Variants in PNPLA7 observed in about 807,000 individuals in gnomAD.
The protein encoded by PNPLA7 is patatin-like phospholipase domain-containing protein 7.
In PNPLA7, 153 loss-of-function variants were observed where a neutral mutation model predicts 161.7. That is an observed-to-expected ratio of 0.95 (90% CI 0.83 to 1.08). PNPLA7 has a LOEUF of 1.08. Ranked by LOEUF, PNPLA7 falls within the 50% of genes least tolerant of loss-of-function variation. PNPLA7 has a pLI of 0.00. For synonymous variants in PNPLA7, 809 were observed against 782.1 expected (o/e 1.03, Z -0.57); for missense variants, 1,739 against 1,856.6 (o/e 0.94, Z 1.16).
At chr9:137,479,303 G>A (rs1207808555) in intron 23 of PNPLA7, 65 bp from the exon 24 acceptor site, 11 of 1,436,862 alleles carry the variant, frequency 7.7e-6, no homozygotes, top group African/African-American at 4.3e-5. Context: ...GGACGGAGCT[G>A]AAGGCCAGCA....
At chr9:137,511,787 T>C (rs1052926280) in intron 12 of PNPLA7, among the ~76,000 whole-genome samples, 1 of 152,248 alleles carries the variant, frequency 6.6e-6, no homozygotes, top group African/African-American at 2.4e-5. Flanking sequence ...TCTTAGAAGA[T>C]AGCAGTAGCA....
rs1310071409 is a variant in PNPLA7, at chr9:137,460,219, G to A, written c.*174C>T. On this transcript the variant is annotated 3_prime_UTR_variant, in exon 35 of 35. Transcript: ENST00000406427. The stretch of plus-strand genomic sequence containing the variant: ...CAGGGGGGCTCACAGGGCCCTGTAT[G>A]CAGGGCTGCTGGTACAAAGAAGAGG... 2 of 601,062 alleles carry A rather than the reference G, an allele frequency of 3.3e-6. No homozygotes were observed. Among genetic ancestry groups the A allele is most frequent in the Non-Finnish European group, 5.8e-6 (2 of 343,408 alleles). The allele number at this position is 601,062 out of a possible 1,614,324, so 37.2% of individuals were successfully genotyped here.
chr9:137,505,624 A>T lies in PNPLA7; in HGVS notation c.1463T>A (p.Met488Lys), dbSNP rs945797908. 1 of 1,613,978 alleles carries T rather than the reference A, an allele frequency of 6.2e-7. No homozygotes were observed. Among genetic ancestry groups the T allele is most frequent in the South Asian group, 1.1e-5 (1 of 91,084 alleles). Residue 488 changes from methionine to lysine, a missense_variant, in exon 14 of 35, where the codon ATG becomes AAG. Physicochemically the swap from Met to Lys is moderately conservative, Grantham distance 95. Transcript: ENST00000406427. ...RAAKKDLLTL[M>K]KLEDSSLLDG... ...GCCGGGGCCACTCACTTCCAGCTTC[A>T]TCAGGGTGAGCAGGTCCTTCTTGGC...
intron 25 of PNPLA7, among the ~76,000 whole-genome samples, chr9:137,475,415 C>T (rs981391970): frequency 6.6e-6 from 1 of 152,186 alleles, no homozygotes; most frequent in African/African-American, 2.4e-5. Flanking sequence ...TGCTCTGTCT[C>T]CCAGGCTGGA....
Position 137,464,395 on chromosome 9 carries a change from G to A in PNPLA7, c.3101C>T (p.Ser1034Phe). ...GATGCTGCTGTTGAAGCCGGCTCCG[G>A]AGAACATGGACGTGATGGGGTAGGT... ...DLTYPITSMF[S>F]GAGFNSSIFS... is the part of the protein sequence containing the mutation. The change falls in exon 27 of 35, where the codon TCC (serine) becomes TTC (phenylalanine). Residue 1034 changes from serine (S) to phenylalanine (F), a missense_variant. Transcript: ENST00000406427. 2 of 1,613,972 alleles carry A rather than the reference G, an allele frequency of 1.2e-6. No homozygotes were observed. The highest frequency in any genetic ancestry group is 2.2e-5 in the South Asian group (2 of 91,088).
chr9:137,544,893 C>T (rs1334967488), intron 4 of PNPLA7, among the ~76,000 whole-genome samples: 1 of 152,174 alleles, frequency 6.6e-6, no homozygotes, highest in Non-Finnish European at 1.5e-5. Context: ...CATGATCCGC[C>T]CACCTCAGCC....
Position 137,462,816 on chromosome 9 carries a change from TGGA to T in PNPLA7, c.3358_3360del (p.Ser1120del). 6.2e-7 allele frequency: 1 copy of T among 1,613,666 alleles called. No homozygotes were observed. Among genetic ancestry groups the T allele is most frequent in the Non-Finnish European group, 8.5e-7 (1 of 1,179,930 alleles). On this transcript the variant is annotated inframe_deletion, in exon 30 of 35. Coordinates refer to ENST00000406427, the MANE Select transcript of PNPLA7 (RefSeq NM_001098537.3). Reference sequence around the variant, plus strand: ...ATGGCGATCACCACTTTTGCCCCCATGGACCGGGCCACATCCGCTAGGGAGAAG... The same window carrying T: ...ATGGCGATCACCACTTTTGCCCCCATCCGGGCCACATCCGCTAGGGAGAAG...
chr9:137,464,577 C>G (rs1831380029), intron 26 of PNPLA7, 121 bp from the exon 27 acceptor site: 3 of 922,796 alleles, frequency 3.3e-6, no homozygotes, highest in Non-Finnish European at 5.2e-6. Flanking sequence ...TCCTTGGGCC[C>G]CACCCACGGT....
chr9:137,467,297 G>A lies in PNPLA7; in HGVS notation c.3039+20C>T, dbSNP rs756353070. On this transcript the variant is annotated intron_variant, in intron 26 of 34. Coordinates refer to ENST00000406427, the MANE Select transcript of PNPLA7 (RefSeq NM_001098537.3). This position sits in a 1 kb window ranked among gnomAD's most constrained non-coding sequence, Gnocchi z 5.1. Reference sequence around the variant, plus strand: ...GACCTGGGGGCTGTGCTCCGGTGAGGGTGATGGGTGCCTGCTTACCTCGGC... The same window carrying A: ...GACCTGGGGGCTGTGCTCCGGTGAGAGTGATGGGTGCCTGCTTACCTCGGC... The A allele has an allele frequency of 6.2e-7, 1 of 1,605,148 alleles. No individual in the cohort carries two copies. Among genetic ancestry groups the A allele is most frequent in the Non-Finnish European group, 8.5e-7 (1 of 1,175,796 alleles).
intron 8 of PNPLA7, among the ~76,000 whole-genome samples, chr9:137,538,787 C>G (rs1221900408): frequency 6.6e-6 from 1 of 152,230 alleles, no homozygotes; most frequent in Non-Finnish European, 1.5e-5. Context: ...CGCGGTGGCT[C>G]AGGCCTGTAA....
Position 137,500,648 on chromosome 9 carries a change from G to T in PNPLA7, c.1757+43C>A, listed in dbSNP as rs768118575. 6.3e-7 allele frequency: 1 copy of T among 1,587,362 alleles called. No individual in the cohort carries two copies. Among genetic ancestry groups the T allele is most frequent in the Non-Finnish European group, 8.6e-7 (1 of 1,161,392 alleles). ...ACGCGGGGAGGGGTCTCAGGGCAGG[G>T]GGGGCTGGGGCCCGCCCTGAGGTCC... On this transcript the variant is annotated intron_variant, in intron 16 of 34. Transcript: ENST00000406427. The surrounding 1 kb of genome is among the most constrained non-coding windows in gnomAD (Gnocchi z 5.5).
rs1437483711 is a variant in PNPLA7 at position 137,524,625 on chromosome 9, A to C, written c.748-1768T>G. Among the ~76,000 whole-genome samples, 1 of 152,250 alleles carries C rather than the reference A, an allele frequency of 6.6e-6. No individual in the cohort carries two copies. The highest frequency in any genetic ancestry group is 6.5e-5 in the Admixed American group (1 of 15,284). On this transcript the variant is annotated intron_variant, in intron 8 of 34. Transcript: ENST00000406427. This position sits in a 1 kb window ranked among gnomAD's most constrained non-coding sequence, Gnocchi z 4.4. The stretch of plus-strand genomic sequence containing the variant: ...GTACGGAACACGTATCCTCACATTT[A>C]TAAGAAACTACCAAACTGTCTCCTA...
At chr9:137,538,503 T>C (rs1225427051) in intron 8 of PNPLA7, among the ~76,000 whole-genome samples, 1 of 152,196 alleles carries the variant, frequency 6.6e-6, no homozygotes, top group Admixed American at 6.5e-5. Context: ...TGGTTCTGCC[T>C]GAATGCATCC....
At chr9:137,481,700 C>T (rs747347477) in intron 21 of PNPLA7, among the ~76,000 whole-genome samples, 8 of 152,198 alleles carry the variant, frequency 5.3e-5, no homozygotes, top group Non-Finnish European at 8.8e-5. Flanking sequence ...CGGTGGCTCA[C>T]GCCTGTAATC....
rs1208918168 is a variant in PNPLA7, at chr9:137,547,725, A to C, written c.31-66T>G. On this transcript the variant is annotated intron_variant, in intron 1 of 34. Transcript: ENST00000406427. The surrounding 1 kb of genome is among the most constrained non-coding windows in gnomAD (Gnocchi z 4.6). ...TTCCCAGCCCGAACTTGTTCAGAGCAGCAGGAGGAGAGCTGGGAGTTAGGG... is the reference window on the plus strand; with the variant it reads ...TTCCCAGCCCGAACTTGTTCAGAGCCGCAGGAGGAGAGCTGGGAGTTAGGG... 1 of 1,452,356 alleles carries C rather than the reference A, an allele frequency of 6.9e-7. No homozygotes were observed. Among genetic ancestry groups the C allele is most frequent in the Non-Finnish European group, 9.7e-7 (1 of 1,034,418 alleles). The allele number at this position is 1,452,356 out of a possible 1,614,324, so 90.0% of individuals were successfully genotyped here.
Position 137,523,727 on chromosome 9 carries a change from C to G in PNPLA7, c.748-870G>C, listed in dbSNP as rs1564352030. Among the ~76,000 whole-genome samples the G allele has an allele frequency of 6.6e-6, 1 of 151,884 alleles. No individual in the cohort carries two copies. Among genetic ancestry groups the G allele is most frequent in the African/African-American group, 2.4e-5 (1 of 41,312 alleles). Reference sequence around the variant, plus strand: ...CTGCAAGCTCCGCCTCCCGGGTTCACACCATTCTCCTGCCTCAGCCTCCAC... The same window carrying G: ...CTGCAAGCTCCGCCTCCCGGGTTCAGACCATTCTCCTGCCTCAGCCTCCAC... On this transcript the variant is annotated intron_variant, in intron 8 of 34. Coordinates refer to ENST00000406427, the MANE Select transcript of PNPLA7 (RefSeq NM_001098537.3). The surrounding 1 kb of genome is among the most constrained non-coding windows in gnomAD (Gnocchi z 4.4).
chr9:137,460,947 G>A (rs971949764), intron 33 of PNPLA7: 14 of 561,740 alleles, frequency 2.5e-5, no homozygotes, highest in South Asian at 1.0e-4. Context: ...ACATCACTTC[G>A]TGGGTCTTCC....
rs377751983 is a variant in PNPLA7 at position 137,462,839 on chromosome 9, G to T, written c.3344-6C>A. ...CATGGACCGGGCCACATCCGCTAGGGAGAAGCCAGCCCTGGTTACCCCCTG... is the reference window on the plus strand; with the variant it reads ...CATGGACCGGGCCACATCCGCTAGGTAGAAGCCAGCCCTGGTTACCCCCTG... On this transcript the variant is annotated splice_region_variant and splice_polypyrimidine_tract_variant and intron_variant, in intron 29 of 34. Transcript: ENST00000406427. 2 of 1,613,562 alleles carry T rather than the reference G, an allele frequency of 1.2e-6. No homozygotes were observed. Among genetic ancestry groups the T allele is most frequent in the Admixed American group, 3.3e-5 (2 of 60,008 alleles).
Position 137,540,695 on chromosome 9 carries a change from C to T in PNPLA7, c.694G>A (p.Val232Ile). The T allele has an allele frequency of 6.2e-7, 1 of 1,612,048 alleles. No homozygotes were observed. The highest frequency in any genetic ancestry group is 8.5e-7 in the Non-Finnish European group (1 of 1,179,380). Reference protein sequence around the residue: ...TDGTEVVVKEVLAGDSVHSLL... With the variant: ...TDGTEVVVKEILAGDSVHSLL... ...CTGTGGACGCTGTCTCCCGCCAGAA[C>T]CTCTTTCACCACCACCTCGGTGCCG... Residue 232 changes from valine to isoleucine, a missense_variant, in exon 8 of 35, where the codon GTT becomes ATT. By Grantham distance (29) the Val-to-Ile change is conservative (BLOSUM62 3). This residue lies in a region of PNPLA7 where 152 missense variants were observed against 193.5 expected (regional missense o/e 0.79). Transcript: ENST00000406427. This position sits in a 1 kb window ranked among gnomAD's most constrained non-coding sequence, Gnocchi z 5.1.
Sources: gnomAD v4.1 joint callset for allele counts (sites outside exome capture counted in the v4.1 genomes callset) on GRCh38, gnomAD v4.1.1 for gene constraint, gnomAD v4.1.1 regional missense constraint, Gnocchi (gnomAD v3.1) non-coding constraint, MANE v1.5 for transcripts, NCBI Gene and HGNC (gene_info 2026-07-23, HGNC 2026-07-21) for gene names.